Variants in FAM222A observed in about 807,000 individuals in gnomAD.
FAM222A encodes protein FAM222A.
FAM222A carries 7 observed loss-of-function variants against 25.8 expected under a neutral mutation model. The observed-to-expected ratio is 0.27, with a 90% CI of 0.15 to 0.51. The LOEUF is 0.51. Ranked by LOEUF, FAM222A falls within the 20% of genes least tolerant of loss-of-function variation. FAM222A has a pLI of 0.97. For synonymous variants in FAM222A, 294 were observed against 298.8 expected (o/e 0.98, Z 0.17); for missense variants, 573 against 640.5 (o/e 0.89, Z 1.14).
At chr12:109,767,743 G>A (rs1033691313) in intron 2 of FAM222A, among the ~76,000 whole-genome samples, 15 of 152,326 alleles carry the variant, frequency 9.8e-5, no homozygotes, top group Middle Eastern at 6.8e-3. Context: ...GAGACTGGGA[G>A]GGGCCCAGGG....
In FAM222A at chr12:109,768,858, G is replaced by A. The variant is rs1279341526; in HGVS notation, c.929G>A (p.Ser310Asn). The change falls in exon 3 of 3, where the codon AGC becomes AAC. Residue 310 changes from serine to asparagine, a missense_variant. Ser to Asn is a conservative substitution (Grantham distance 46). Coordinates refer to ENST00000538780, the MANE Select transcript of FAM222A (RefSeq NM_032829.3). ...LRAYSGSTVA[S>N]KSPEACGGRA... is the part of the protein sequence containing the mutation. ...GCCTACAGTGGGAGCACGGTGGCCA[G>A]CAAGTCCCCTGAGGCTTGCGGGGGC... 1 of 1,583,362 alleles carries A rather than the reference G, an allele frequency of 6.3e-7. No individual in the cohort carries two copies. Among genetic ancestry groups the A allele is most frequent in the Non-Finnish European group, 8.5e-7 (1 of 1,171,722 alleles).
At chr12:109,722,236 G>C (rs1268229407) in intron 1 of FAM222A, among the ~76,000 whole-genome samples, 3 of 152,226 alleles carry the variant, frequency 2.0e-5, no homozygotes, top group Non-Finnish European at 2.9e-5. Context: ...CTAGAATGTG[G>C]AGAGAGAGGA....
At chr12:109,717,368 T>C (rs1475370279) in intron 1 of FAM222A, among the ~76,000 whole-genome samples, 2 of 152,156 alleles carry the variant, frequency 1.3e-5, no homozygotes, top group African/African-American at 4.8e-5. Context: ...GCGGTGAAGC[T>C]GCCCCTGGCC....
In FAM222A at chr12:109,769,043, C is replaced by A; in HGVS notation, c.1114C>A (p.Leu372Met). 1 of 1,586,664 alleles carries A rather than the reference C, an allele frequency of 6.3e-7. No individual in the cohort carries two copies. The highest frequency in any genetic ancestry group is 8.6e-7 in the Non-Finnish European group (1 of 1,167,854). Residue 372 changes from leucine (L) to methionine (M), a missense_variant, in exon 3 of 3, where the codon CTG becomes ATG. Transcript: ENST00000538780. ...AGCGGCGGCGGTGGTGGTCACGGAG[C>A]TGGGGCCGGGGGCAGCCCGGGAGCT... ...NPAAAVVVTE[L>M]GPGAARELAG...
intron 1 of FAM222A, among the ~76,000 whole-genome samples, chr12:109,720,873 G>A (rs1481522184): frequency 6.6e-6 from 1 of 152,222 alleles, no homozygotes; most frequent in Admixed American, 6.5e-5. Context: ...GGGGGGCACA[G>A]CAGTGAACAA....
In FAM222A at chr12:109,714,169, C is replaced by T. The variant is rs1037313713; in HGVS notation, c.-775C>T. On this transcript the variant is annotated 5_prime_UTR_variant, in exon 1 of 3. Coordinates refer to ENST00000538780, the MANE Select transcript of FAM222A (RefSeq NM_032829.3). This position sits in a 1 kb window ranked among gnomAD's most constrained non-coding sequence, Gnocchi z 4.2. ...TCGGCTGTTTCTCAGCGCCGAGGCC[C>T]CCGAGGCTGCATCCGAGCTTGCGTC... The T allele has an allele frequency of 5.1e-6, 1 of 195,100 alleles. No individual in the cohort carries two copies. The highest frequency in any genetic ancestry group is 7.0e-5 in the South Asian group (1 of 14,296). The allele number at this position is 195,100 out of a possible 1,614,324, so 12.1% of individuals were successfully genotyped here. A position where few individuals can be genotyped will look rare whatever the true frequency, so the allele number is the denominator to read the frequency against.
chr12:109,755,509 G>A (rs866520358), intron 2 of FAM222A, among the ~76,000 whole-genome samples: 4 of 151,764 alleles, frequency 2.6e-5, no homozygotes, highest in Non-Finnish European at 5.9e-5. Context: ...TGTATTTTTA[G>A]TACAGACACG....
intron 1 of FAM222A, among the ~76,000 whole-genome samples, chr12:109,718,501 C>T (rs1887688037): frequency 6.6e-6 from 1 of 152,258 alleles, no homozygotes; most frequent in East Asian, 1.9e-4. Flanking sequence ...GGGCTCGGGG[C>T]GGGGGTGAGA....
chr12:109,736,581 C>T (rs997704872), intron 1 of FAM222A, among the ~76,000 whole-genome samples: 5 of 152,192 alleles, frequency 3.3e-5, no homozygotes, highest in Admixed American at 2.0e-4. Context: ...ACATGGCCAC[C>T]GCTTGTCTCC....
At chr12:109,765,331 T>A (rs749790) in intron 2 of FAM222A, among the ~76,000 whole-genome samples, 111,247 of 152,094 alleles carry the variant, frequency 0.73, 41,452 homozygotes, top group Middle Eastern at 0.82. Flanking sequence ...TGACAGCCAA[T>A]CATGTCTCTA....
At position 109,714,284 on chromosome 12, in the gene FAM222A, G is replaced by T. The variant is rs1307012024; in HGVS notation, c.-660G>T. The T allele has an allele frequency of 6.2e-6, 1 of 162,570 alleles. No individual in the cohort carries two copies. The highest frequency in any genetic ancestry group is 1.3e-5 in the Non-Finnish European group (1 of 74,364). The allele number at this position is 162,570 out of a possible 1,614,324, so 10.1% of individuals were successfully genotyped here. A position where few individuals can be genotyped will look rare whatever the true frequency, so the allele number is the denominator to read the frequency against. On this transcript the variant is annotated 5_prime_UTR_variant, in exon 1 of 3. Transcript: ENST00000538780. This position sits in a 1 kb window ranked among gnomAD's most constrained non-coding sequence, Gnocchi z 4.2. ...CCGGGGCTCAGAGCAGGAGGAGGAG[G>T]GGCCGGTGCATTCTCGCCGCTGTTC... is the stretch of plus-strand genomic sequence containing the variant.
At chr12:109,718,257 C>G (rs971562760) in intron 1 of FAM222A, among the ~76,000 whole-genome samples, 2 of 152,214 alleles carry the variant, frequency 1.3e-5, no homozygotes, top group African/African-American at 4.8e-5. Flanking sequence ...GGCCCGAACT[C>G]TACCAGCTAT....
intron 2 of FAM222A, among the ~76,000 whole-genome samples, chr12:109,752,489 C>G (rs888472812): frequency 2.6e-5 from 4 of 152,256 alleles, no homozygotes; most frequent in African/African-American, 9.6e-5. Context: ...CCCTGTTGCC[C>G]CTGGGCAGAA....
chr12:109,756,392 C>CTTTTTTTTTT (rs35171962), intron 2 of FAM222A, among the ~76,000 whole-genome samples: 1 of 124,390 alleles, frequency 8.0e-6, no homozygotes, highest in African/African-American at 2.9e-5. Flanking sequence ...AATATGAATG[C>CTTTTTTTTTT]TTTTTTTTTT....
chr12:109,755,034 A>G (rs1471165735), intron 2 of FAM222A, among the ~76,000 whole-genome samples: 8 of 152,266 alleles, frequency 5.3e-5, no homozygotes. Flanking sequence ...CATATATTCT[A>G]GATACAAGTC....
intron 1 of FAM222A, among the ~76,000 whole-genome samples, chr12:109,738,345 C>T (rs1024288800): frequency 6.6e-6 from 1 of 152,222 alleles, no homozygotes; most frequent in African/African-American, 2.4e-5. Context: ...CCACCAGGGT[C>T]TGACCCTAGT....
chr12:109,726,500 T>A (rs1332706494), intron 1 of FAM222A, among the ~76,000 whole-genome samples: 2 of 152,216 alleles, frequency 1.3e-5, no homozygotes, highest in South Asian at 2.1e-4. Context: ...GTAACCATTG[T>A]ACCATCCTCC....
At chr12:109,726,668 C>T (rs1473695973) in intron 1 of FAM222A, among the ~76,000 whole-genome samples, 1 of 152,202 alleles carries the variant, frequency 6.6e-6, no homozygotes, top group Non-Finnish European at 1.5e-5. Context: ...ATGGTCAGCA[C>T]CAACGGGATG....
intron 2 of FAM222A, among the ~76,000 whole-genome samples, chr12:109,767,162 G>C (rs980778906): frequency 7.0e-6 from 1 of 142,456 alleles, no homozygotes; most frequent in African/African-American, 2.6e-5. Flanking sequence ...TTCCACTTCA[G>C]CTTCCCAAAG....
Sources: gnomAD v4.1 joint callset for allele counts (sites outside exome capture counted in the v4.1 genomes callset) on GRCh38, gnomAD v4.1.1 for gene constraint, Gnocchi (gnomAD v3.1) non-coding constraint, MANE v1.5 for transcripts, NCBI Gene and HGNC (gene_info 2026-07-23, HGNC 2026-07-21) for gene names.